Variants in STIM1 observed in about 807,000 individuals in gnomAD.
STIM1 encodes stromal interaction molecule 1.
STIM1 carries 25 observed loss-of-function variants against 74.7 expected under a neutral mutation model. The observed-to-expected ratio is 0.33, with a 90% confidence interval of 0.24 to 0.47. The LOEUF (loss-of-function observed/expected upper bound fraction) is 0.47. Ranked by LOEUF, STIM1 falls within the 20% of genes least tolerant of loss-of-function variation. The pLI is 1.00. For missense variants in STIM1, 728 were observed against 920.8 expected, an observed-to-expected ratio of 0.79 and a Z score of 2.71; for synonymous variants, 328 against 348.8, an observed-to-expected ratio of 0.94 and a Z score of 0.66.
At chr11:3,956,099 G>A (rs1049568947) in intron 1 of STIM1, among the ~76,000 whole-genome samples, 1 of 151,642 alleles carries the variant, frequency 6.6e-6, no homozygotes, top group African/African-American at 2.4e-5. Context: ...GGGCCTTGCA[G>A]GCCACATTAA....
At chr11:4,016,078 G>A (rs1468606184) in intron 2 of STIM1, among the ~76,000 whole-genome samples, 2 of 152,134 alleles carry the variant, frequency 1.3e-5, no homozygotes, top group Non-Finnish European at 2.9e-5. Flanking sequence ...CTCCAGTTTT[G>A]TTCCCTTGCT....
chr11:3,872,503 T>G (rs1246863088), intron 1 of STIM1, among the ~76,000 whole-genome samples: 1 of 151,360 alleles, frequency 6.6e-6, no homozygotes, highest in Non-Finnish European at 1.5e-5. Context: ...CAAGTCTCTT[T>G]GCCTCCATTT....
At chr11:3,882,102 T>C (rs1163683716) in intron 1 of STIM1, among the ~76,000 whole-genome samples, 1 of 144,986 alleles carries the variant, frequency 6.9e-6, no homozygotes, top group Non-Finnish European at 1.5e-5. Context: ...CTTTTTTTTT[T>C]TTTTTTTTTT....
chr11:3,879,690 C>T (rs1324521704), intron 1 of STIM1, among the ~76,000 whole-genome samples: 1 of 152,208 alleles, frequency 6.6e-6, no homozygotes, highest in Non-Finnish European at 1.5e-5. Context: ...AGGGGCAGAA[C>T]AGAAACTATA....
intron 2 of STIM1, chr11:3,989,438 C>A: frequency 1.4e-6 from 1 of 715,782 alleles, no homozygotes; most frequent in Non-Finnish European, 2.6e-6. Context: ...GCCCCTTCCG[C>A]GGAGCTGACC....
chr11:3,922,177 A>T (rs1412801578), intron 1 of STIM1, among the ~76,000 whole-genome samples: 2 of 152,036 alleles, frequency 1.3e-5, no homozygotes, highest in African/African-American at 4.8e-5. Flanking sequence ...TCTTTTCAAC[A>T]TCTAGTATTT....
At chr11:3,969,492 C>T (rs1037763583) in intron 2 of STIM1, among the ~76,000 whole-genome samples, 9 of 151,978 alleles carry the variant, frequency 5.9e-5, no homozygotes, top group African/African-American at 2.2e-4. Context: ...TAAAACAAAA[C>T]AAAACACAAA....
chr11:3,939,099 C>T (rs2092973103), intron 1 of STIM1, among the ~76,000 whole-genome samples: 1 of 152,112 alleles, frequency 6.6e-6, no homozygotes, highest in African/African-American at 2.4e-5. Context: ...AATATTTAGA[C>T]AAGAATTTTC....
chr11:3,892,505 A>G (rs2091926113), intron 1 of STIM1: 8 of 1,575,394 alleles, frequency 5.1e-6, no homozygotes, highest in Non-Finnish European at 7.0e-6. Flanking sequence ...CTTGCCAAAG[A>G]CCACATGCTT....
intron 3 of STIM1, among the ~76,000 whole-genome samples, chr11:4,030,134 G>T (rs568009728): frequency 1.3e-5 from 2 of 152,166 alleles, no homozygotes; most frequent in Non-Finnish European, 2.9e-5. Context: ...TTCAAGACCT[G>T]CCTGGCCAAC....
intron 1 of STIM1, among the ~76,000 whole-genome samples, chr11:3,908,901 A>T (rs1448799914): frequency 6.6e-6 from 1 of 152,118 alleles, no homozygotes; most frequent in African/African-American, 2.4e-5. Context: ...CACCTGGAAA[A>T]AGGCCTTTGT....
At chr11:4,072,133 C>T (rs2094407627) in intron 6 of STIM1, among the ~76,000 whole-genome samples, 2 of 152,268 alleles carry the variant, frequency 1.3e-5, no homozygotes, top group South Asian at 2.1e-4. Context: ...AAACTAAGCT[C>T]CCAGCACTCC....
chr11:3,959,125 C>T (rs1412806421), intron 1 of STIM1, among the ~76,000 whole-genome samples: 2 of 152,056 alleles, frequency 1.3e-5, no homozygotes, highest in Non-Finnish European at 2.9e-5. Flanking sequence ...CTTTTGATCC[C>T]TTTCCAAGAA....
At chr11:3,856,966 G>T (rs1157317144) in intron 1 of STIM1, among the ~76,000 whole-genome samples, 2 of 152,102 alleles carry the variant, frequency 1.3e-5, no homozygotes, top group Non-Finnish European at 2.9e-5. Context: ...CGGTTTCTTA[G>T]ATGGAATCCT....
chr11:3,889,914 G>C (rs1397496247), intron 1 of STIM1, among the ~76,000 whole-genome samples: 4 of 152,078 alleles, frequency 2.6e-5, no homozygotes, highest in Non-Finnish European at 5.9e-5. Flanking sequence ...GGCATTACAG[G>C]GTAGTAAATA....
intron 1 of STIM1, among the ~76,000 whole-genome samples, chr11:3,857,364 G>T (rs1021970507): frequency 6.6e-6 from 1 of 151,870 alleles, no homozygotes. Flanking sequence ...TGATCCTCCT[G>T]CCTCAGCCTC....
chr11:3,876,309 G>A (rs1216430771), intron 1 of STIM1, among the ~76,000 whole-genome samples: 3 of 152,196 alleles, frequency 2.0e-5, no homozygotes, highest in African/African-American at 7.2e-5. Flanking sequence ...ACAGACCTAG[G>A]TAGGAAGAAG....
intron 2 of STIM1, among the ~76,000 whole-genome samples, chr11:3,983,311 G>C (rs951956844): frequency 1.3e-5 from 2 of 152,226 alleles, no homozygotes; most frequent in Non-Finnish European, 2.9e-5. Context: ...ATGGTTGCTG[G>C]AAGCAGATCC....
At chr11:3,921,059 G>A (rs1003513629) in intron 1 of STIM1, among the ~76,000 whole-genome samples, 1 of 152,172 alleles carries the variant, frequency 6.6e-6, no homozygotes, top group African/African-American at 2.4e-5. Context: ...GCTTCCCAAA[G>A]TGCTGGGATT....
Sources: allele counts gnomAD v4.1 joint callset (sites outside exome capture counted in the v4.1 genomes callset), GRCh38; gene constraint gnomAD v4.1.1; transcripts MANE v1.5; gene names NCBI Gene and HGNC (gene_info 2026-07-23, HGNC 2026-07-21).